PDZD2: variants seen among roughly 807,000 people sequenced by gnomAD.
PDZD2 encodes the protein PDZ domain-containing protein 2.
PDZD2 carries 90 observed loss-of-function variants against 220.7 expected under a neutral mutation model. That is an observed-to-expected ratio of 0.41 (90% confidence interval 0.34 to 0.49). The LOEUF (loss-of-function observed/expected upper bound fraction) is 0.49, where lower values mean the gene tolerates loss of function less well. PDZD2 is among the 20% of genes least tolerant of loss of function. The pLI, the probability that PDZD2 is intolerant of heterozygous loss-of-function variation, is 0.28. For synonymous variants in PDZD2, 1,375 were observed against 1,450.5 expected (o/e 0.95, Z 1.18); for missense variants, 3,174 against 3,608.5 (o/e 0.88, Z 3.08).
intron 1 of PDZD2, among the ~76,000 whole-genome samples, chr5:31,758,475 A>G (rs1364729564): frequency 1.3e-5 from 2 of 152,200 alleles, no homozygotes; most frequent in Non-Finnish European, 2.9e-5. Flanking sequence ...GGGGACAGAC[A>G]GCACATGTGG....
At chr5:31,968,363 C>T (rs192605003) in intron 2 of PDZD2, among the ~76,000 whole-genome samples, 177 of 151,722 alleles carry the variant, frequency 1.2e-3, no homozygotes, top group African/African-American at 4.2e-3. Context: ...GTCTCAAAAA[C>T]AAAAAACAAG....
At chr5:31,916,215 C>T (rs951559475) in intron 2 of PDZD2, among the ~76,000 whole-genome samples, 1 of 152,238 alleles carries the variant, frequency 6.6e-6, no homozygotes, top group Non-Finnish European at 1.5e-5. Context: ...TGGAAGAAGG[C>T]ATTGGTGTCT....
At chr5:31,759,989 C>T (rs1480366960) in intron 1 of PDZD2, among the ~76,000 whole-genome samples, 1 of 152,178 alleles carries the variant, frequency 6.6e-6, no homozygotes, top group African/African-American at 2.4e-5. Flanking sequence ...CAGCATCTTC[C>T]AACCTCAGGA....
At chr5:31,805,327 G>A (rs989264202) in intron 2 of PDZD2, among the ~76,000 whole-genome samples, 4 of 152,208 alleles carry the variant, frequency 2.6e-5, no homozygotes, top group African/African-American at 9.7e-5. Flanking sequence ...TGTTTTGAAT[G>A]TTCTCAAGTG....
intron 2 of PDZD2, among the ~76,000 whole-genome samples, chr5:31,975,173 C>T (rs185985317): frequency 2.6e-5 from 4 of 152,220 alleles, no homozygotes; most frequent in Admixed American, 6.5e-5. Context: ...AAGACACACC[C>T]GAGACTGGGT....
chr5:31,718,744 A>C (rs1272311986), intron 1 of PDZD2, among the ~76,000 whole-genome samples: 1 of 126,276 alleles, frequency 7.9e-6, no homozygotes, highest in African/African-American at 3.1e-5. Context: ...CTCTGTCTCC[A>C]GGCTGGAGTG....
At position 32,088,552 on chromosome 5, in the gene PDZD2, G is replaced by A. The variant is rs749432114; in HGVS notation, c.5104G>A (p.Ala1702Thr). 2.2e-5 allele frequency: 35 copies of A among 1,613,898 alleles called. No homozygotes were observed. The highest frequency in any genetic ancestry group is 1.8e-4 in the Admixed American group (11 of 59,990). Reference sequence around the variant, plus strand: ...AGAAGAAACCACAGAAGTCACCAGCGCTAGCTCAGCCATGGAAAACAGTCC... The same window carrying A: ...AGAAGAAACCACAGAAGTCACCAGCACTAGCTCAGCCATGGAAAACAGTCC... ...CAEETTEVTS[A>T]SSAMENSPLS... Residue 1702 changes from alanine (A) to threonine (T), a missense_variant, in exon 20 of 25, where the codon GCT (alanine) becomes ACT (threonine). By Grantham distance (58) the Ala-to-Thr change is moderately conservative. Around this residue, in one of 4 missense-constraint regions of PDZD2, gnomAD observed 1,861 missense variants for 2,001.0 expected, o/e 0.93. Coordinates refer to ENST00000438447, the MANE Select transcript of PDZD2 (RefSeq NM_178140.4). The surrounding 1 kb of genome is among the most constrained non-coding windows in gnomAD (Gnocchi z 4.6).
intron 1 of PDZD2, among the ~76,000 whole-genome samples, chr5:31,641,584 G>T (rs1220848693): frequency 6.6e-6 from 1 of 151,440 alleles, no homozygotes; most frequent in African/African-American, 2.4e-5. Context: ...TTGTTGCCCA[G>T]ACTCAAGCAA....
At position 32,090,302 on chromosome 5, in the gene PDZD2, A is replaced by G. The variant is rs781127086; in HGVS notation, c.6854A>G (p.Asp2285Gly). ...ATATATAGTGTAAAGCCGCTGCTGGACACATCGAGGAATCTTCCAGCCACA... is the reference window on the plus strand; with the variant it reads ...ATATATAGTGTAAAGCCGCTGCTGGGCACATCGAGGAATCTTCCAGCCACA... ...QGIYSVKPLLDTSRNLPATDE... is the reference protein window; with the variant it reads ...QGIYSVKPLLGTSRNLPATDE... The change falls in exon 20 of 25, where the codon GAC becomes GGC. Residue 2285 changes from aspartate to glycine, a missense_variant. Coordinates refer to ENST00000438447, the MANE Select transcript of PDZD2 (RefSeq NM_178140.4). The surrounding 1 kb of genome is among the most constrained non-coding windows in gnomAD (Gnocchi z 4.3). 6.2e-7 allele frequency: 1 copy of G among 1,614,108 alleles called. No individual in the cohort carries two copies. The highest frequency in any genetic ancestry group is 8.5e-7 in the Non-Finnish European group (1 of 1,180,052).
At chr5:31,679,053 T>C (rs560904729) in intron 1 of PDZD2, among the ~76,000 whole-genome samples, 233 of 152,348 alleles carry the variant, frequency 1.5e-3, no homozygotes, top group African/African-American at 5.3e-3. Context: ...GCCGGACTAT[T>C]TGGGGAAGGG....
chr5:32,088,660 C>A lies in PDZD2; in HGVS notation c.5212C>A (p.Leu1738Met). 6.2e-7 allele frequency: 1 copy of A among 1,613,880 alleles called. No individual in the cohort carries two copies. Among genetic ancestry groups the A allele is most frequent in the East Asian group, 2.2e-5 (1 of 44,860 alleles). The change falls in exon 20 of 25, where the codon CTG becomes ATG. Residue 1738 changes from leucine (L) to methionine (M), a missense_variant. Leu to Met is a conservative substitution (Grantham distance 15). Around this residue, in one of 4 missense-constraint regions of PDZD2, gnomAD observed 1,861 missense variants for 2,001.0 expected, o/e 0.93. Coordinates refer to ENST00000438447, the MANE Select transcript of PDZD2 (RefSeq NM_178140.4). This position sits in a 1 kb window ranked among gnomAD's most constrained non-coding sequence, Gnocchi z 4.6. ...CATGGTAAATGGCTTGGAACATGAC[C>A]TGCTAGATGACGAAACCCTGAATCA... ...PNMVNGLEHDLLDDETLNQYE... is the reference protein window; with the variant it reads ...PNMVNGLEHDMLDDETLNQYE...
intron 1 of PDZD2, among the ~76,000 whole-genome samples, chr5:31,731,151 G>A (rs1198523966): frequency 6.6e-6 from 1 of 151,998 alleles, no homozygotes; most frequent in African/African-American, 2.4e-5. Flanking sequence ...GCCTTTTCAG[G>A]GTGTCTGGTA....
At chr5:32,053,929 C>T in intron 10 of PDZD2, 46 bp downstream of exon 10, 2 of 1,081,796 alleles carry the variant, frequency 1.8e-6, no homozygotes, top group South Asian at 2.5e-5. Flanking sequence ...ACTTTGATCC[C>T]ATGAGAATCT....
intron 1 of PDZD2, among the ~76,000 whole-genome samples, chr5:31,773,971 A>C (rs995279259): frequency 6.6e-5 from 10 of 152,176 alleles, no homozygotes; most frequent in African/African-American, 2.4e-4. Flanking sequence ...CGATGTCGAC[A>C]CCTAGAGGAA....
chr5:31,893,280 CA>C (rs1741226752), intron 2 of PDZD2, among the ~76,000 whole-genome samples: 1 of 152,068 alleles, frequency 6.6e-6, no homozygotes. Context: ...CATTTAAAAA[CA>C]AAAACCTGGC....
In PDZD2 at chr5:32,048,628, C is replaced by T. The variant is rs766389561; in HGVS notation, c.1609C>T (p.Arg537Ter). Reference sequence around the variant, plus strand: ...CCGGATCCGGATGTTGGAGGTCTCCCGAGATGGCCGGAAACACTCCCTCCC... The same window carrying T: ...CCGGATCCGGATGTTGGAGGTCTCCTGAGATGGCCGGAAACACTCCCTCCC... ...DPRIRMLEVS[R>*]DGRKHSLPQL... The change falls in exon 8 of 25, where the codon CGA becomes TGA. Residue 537 changes from arginine to a stop codon, truncating the protein, a stop_gained. Transcript: ENST00000438447. LOFTEE classifies it high-confidence loss of function. 7 of 1,613,932 alleles carry T rather than the reference C, an allele frequency of 4.3e-6. No homozygotes were observed. The highest frequency in any genetic ancestry group is 4.2e-6 in the Non-Finnish European group (5 of 1,179,990).
At chr5:31,714,804 A>G (rs1049223520) in intron 1 of PDZD2, among the ~76,000 whole-genome samples, 10 of 152,056 alleles carry the variant, frequency 6.6e-5, no homozygotes, top group African/African-American at 2.4e-4. Context: ...CACGCCTGTA[A>G]TCCTAGTACT....
chr5:31,730,928 TTG>T (rs1749500807), intron 1 of PDZD2, among the ~76,000 whole-genome samples: 1 of 152,230 alleles, frequency 6.6e-6, no homozygotes, highest in Non-Finnish European at 1.5e-5. Flanking sequence ...TTAAATATTA[TTG>T]TGTCTTCTCA....
intron 2 of PDZD2, among the ~76,000 whole-genome samples, chr5:31,903,015 A>G (rs1329573088): frequency 6.6e-6 from 1 of 152,190 alleles, no homozygotes; most frequent in African/African-American, 2.4e-5. Flanking sequence ...GGAGGGAAAA[A>G]AAAAAGTCCT....
Sources: allele counts gnomAD v4.1 joint callset (sites outside exome capture counted in the v4.1 genomes callset), GRCh38; gene constraint gnomAD v4.1.1; regional missense constraint gnomAD v4.1.1; non-coding constraint Gnocchi (gnomAD v3.1); transcripts MANE v1.5; gene names NCBI Gene and HGNC (gene_info 2026-07-23, HGNC 2026-07-21).